The following TTN variants were observed in gnomAD, a reference collection of about 807,000 sequenced individuals.
TTN encodes the protein connectin.
TTN carries 1,525 observed loss-of-function variants against 3,223.0 expected under a neutral mutation model. The ratio of observed to expected loss-of-function variants is 0.47; its 90% confidence interval spans 0.45 to 0.49. The LOEUF (loss-of-function observed/expected upper bound fraction) is 0.49. TTN is among the 20% of genes least tolerant of loss of function. The pLI, the probability that TTN is intolerant of heterozygous loss-of-function variation, is 0.00. For missense variants in TTN, 40,786 were observed against 43,424.0 expected (o/e 0.94, Z 5.40); for synonymous variants, 14,094 against 15,161.0 (o/e 0.93, Z 5.17).
Position 178,564,161 on chromosome 2 carries a change from T to C in TTN, c.81971A>G (p.Glu27324Gly). 1 of 1,613,786 alleles carries C rather than the reference T, an allele frequency of 6.2e-7. No homozygotes were observed. Among genetic ancestry groups the C allele is most frequent in the Non-Finnish European group, 8.5e-7 (1 of 1,179,764 alleles). The change falls in exon 326 of 363, where the codon GAA (glutamate) becomes GGA (glycine). Residue 27324 changes from glutamate (E) to glycine (G), a missense_variant. Physicochemically the swap from Glu to Gly is moderately conservative, Grantham distance 98. Transcript: ENST00000589042. Reference sequence around the variant, plus strand: ...TGTTTTCTGAATAGTAGATTTAATTTCCATTCTAGCAGCTGTTTCTTCAAG... The same window carrying C: ...TGTTTTCTGAATAGTAGATTTAATTCCCATTCTAGCAGCTGTTTCTTCAAG... ...KELEETAARM[E>G]IKSTIQKTTL... is the part of the protein sequence containing the mutation.
At chr2:178,749,276 G>A in intron 47 of TTN, 1 of 1,611,306 alleles carries the variant, frequency 6.2e-7, no homozygotes, top group Non-Finnish European at 8.5e-7. Flanking sequence ...AGTACCCTCT[G>A]CTTGGTGCAG....
chr2:178,558,182 C>A lies in TTN; in HGVS notation c.87172G>T (p.Ala29058Ser). 6.2e-7 allele frequency: 1 copy of A among 1,613,666 alleles called. No homozygotes were observed. Among genetic ancestry groups the A allele is most frequent in the Non-Finnish European group, 8.5e-7 (1 of 1,179,822 alleles). Residue 29058 changes from alanine (A) to serine (S), a missense_variant, in exon 328 of 363, where the codon GCT becomes TCT. Transcript: ENST00000589042. ...ATGTCAACTTTAAGGTTTGAACCAG[C>A]TCTAACATATACAGTGTGACTTGGG... ...NFPSHTVYVR[A>S]GSNLKVDIPI...
chr2:178,570,683 T>G lies in TTN; in HGVS notation c.75449A>C (p.Gln25150Pro). The G allele has an allele frequency of 6.2e-7, 1 of 1,613,582 alleles. No individual in the cohort carries two copies. The highest frequency in any genetic ancestry group is 1.1e-5 in the South Asian group (1 of 91,082). Residue 25150 changes from glutamine to proline, a missense_variant, in exon 326 of 363, where the codon CAG becomes CCG. Physicochemically the swap from Gln to Pro is moderately conservative, Grantham distance 76. Transcript: ENST00000589042. ...TAATCGAGCTGTGTTTGAAAGCTCC[T>G]GATCACCTTTTATCCACTGAATGGT... The part of the protein sequence containing the change: ...IPTIQWIKGD[Q>P]ELSNTARLEI...
chr2:178,587,974 C>A lies in TTN; in HGVS notation c.63433G>T (p.Val21145Leu). ...LDENQEYEFRVCAQNQVGIGR... is the reference protein window; with the variant it reads ...LDENQEYEFRLCAQNQVGIGR... ...ATACCAACTTGGTTTTGGGCACACA[C>A]CCTGAACTCATATTCCTGGTTTTCA... The change falls in exon 305 of 363, where the codon GTG becomes TTG. Residue 21145 changes from valine to leucine, a missense_variant. Val to Leu is a conservative substitution (Grantham distance 32). Transcript: ENST00000589042. 6.2e-7 allele frequency: 1 copy of A among 1,611,894 alleles called. No homozygotes were observed. The highest frequency in any genetic ancestry group is 8.5e-7 in the Non-Finnish European group (1 of 1,178,964).
chr2:178,773,022 C>G (rs939759651), intron 33 of TTN, 87 bp downstream of exon 33: 124 of 1,574,804 alleles, frequency 7.9e-5, no homozygotes, highest in Non-Finnish European at 1.0e-4. Context: ...AAGTGGGAAA[C>G]TGAAAGGAAT....
intron 164 of TTN, 109 bp downstream of exon 164, chr2:178,665,599 G>A: frequency 1.6e-6 from 2 of 1,248,062 alleles, no homozygotes; most frequent in Non-Finnish European, 2.2e-6. Flanking sequence ...ATCTTGAGGA[G>A]AGGAACCACA....
chr2:178,560,630 C>G lies in TTN; in HGVS notation c.85502G>C (p.Cys28501Ser), dbSNP rs1319621261. 6.2e-7 allele frequency: 1 copy of G among 1,613,590 alleles called. No individual in the cohort carries two copies. Among genetic ancestry groups the G allele is most frequent in the South Asian group, 1.1e-5 (1 of 91,078 alleles). The stretch of plus-strand genomic sequence containing the variant: ...GGATGTCATCTGTAACTCTCCTTCA[C>G]ATATTGTCCATGCAAGGTGGCTTGT... ...RETSHLAWTI[C>S]EGELQMTSCK... is the part of the protein sequence containing the mutation. Residue 28501 changes from cysteine to serine, a missense_variant, in exon 326 of 363, where the codon TGT (cysteine) becomes TCT (serine). Coordinates refer to ENST00000589042, the MANE Select transcript of TTN (RefSeq NM_001267550.2).
chr2:178,776,739 G>GTTTT lies in TTN; in HGVS notation c.5121_5124dup (p.Leu1709LysfsTer8). The GTTTT allele has an allele frequency of 6.2e-7, 1 of 1,614,078 alleles. No individual in the cohort carries two copies. The highest frequency in any genetic ancestry group is 1.1e-5 in the South Asian group (1 of 91,082). On this transcript the variant is annotated frameshift_variant, in exon 28 of 363. Transcript: ENST00000589042. LOFTEE classifies it high-confidence loss of function. Reference sequence around the variant, plus strand: ...AAGCGCTTAAGTCTTAAGGAAGTGAGTTTTTTCTTGAAAAATGGTTTCTGT... The same window carrying GTTTT: ...AAGCGCTTAAGTCTTAAGGAAGTGAGTTTTTTTTTTCTTGAAAAATGGTTTCTGT...
rs10515939 is a variant in TTN at position 178,528,058 on chromosome 2, G to A, written c.107377+216C>T. ...TGCATCCTGCAAATAAATGTTACAC[G>A]GCAGTTGGTAGCTTTACTTTGAAAT... On this transcript the variant is annotated intron_variant, in intron 361 of 362. Coordinates refer to ENST00000589042, the MANE Select transcript of TTN (RefSeq NM_001267550.2). The A allele has an allele frequency of 0.037, 21,286 of 569,838 alleles. 870 individuals are homozygous for A. The highest frequency in any genetic ancestry group is 0.18 in the East Asian group (5,951 of 33,912). The allele number at this position is 569,838 out of a possible 1,614,324, so 35.3% of individuals were successfully genotyped here.
intron 9 of TTN, among the ~76,000 whole-genome samples, chr2:178,792,677 A>G (rs1462807331): frequency 3.3e-5 from 5 of 152,222 alleles, no homozygotes; most frequent in Non-Finnish European, 7.3e-5. Flanking sequence ...TACTGTGAAG[A>G]ATGCTGTTTC....
In TTN at chr2:178,635,673, T is replaced by C. The variant is rs1432673437; in HGVS notation, c.41651A>G (p.His13884Arg). The C allele has an allele frequency of 6.2e-6, 10 of 1,602,072 alleles. No individual in the cohort carries two copies. Among genetic ancestry groups the C allele is most frequent in the South Asian group, 1.1e-5 (1 of 89,110 alleles). Reference sequence around the variant, plus strand: ...AATAGCTGTCCCCTTGGGTTTCACATGCTGGTCTCGTATAGGTTTCACCAG... The same window carrying C: ...AATAGCTGTCCCCTTGGGTTTCACACGCTGGTCTCGTATAGGTTTCACCAG... ...DWLVKPIRDQ[H>R]VKPKGTAIFA... Residue 13884 changes from histidine to arginine, a missense_variant, in exon 227 of 363, where the codon CAT becomes CGT. Coordinates refer to ENST00000589042, the MANE Select transcript of TTN (RefSeq NM_001267550.2).
In TTN at chr2:178,620,531, T is replaced by TA. The variant is rs1553715911; in HGVS notation, c.45989dup (p.Thr15331AsnfsTer9). The TA allele has an allele frequency of 6.2e-7, 1 of 1,612,312 alleles. No homozygotes were observed. The highest frequency in any genetic ancestry group is 8.5e-7 in the Non-Finnish European group (1 of 1,178,966). On this transcript the variant is annotated frameshift_variant, in exon 248 of 363. Coordinates refer to ENST00000589042, the MANE Select transcript of TTN (RefSeq NM_001267550.2). LOFTEE classifies it high-confidence loss of function. ...CACCATTTTTGGTCCACTTCAGTGT[T>TA]ACATTGAGACGATTCACCTTGCACC...
chr2:178,672,574 A>T (rs2154265341), intron 153 of TTN, 61 bp downstream of exon 153: 1 of 1,604,570 alleles, frequency 6.2e-7, no homozygotes, highest in Non-Finnish European at 8.5e-7. Flanking sequence ...GAGACATGAA[A>T]CATAAAAGTC....
In TTN at chr2:178,557,001, C is replaced by T; in HGVS notation, c.88153G>A (p.Ala29385Thr). 6.2e-7 allele frequency: 1 copy of T among 1,613,772 alleles called. No individual in the cohort carries two copies. The highest frequency in any genetic ancestry group is 8.5e-7 in the Non-Finnish European group (1 of 1,179,820). Residue 29385 changes from alanine (A) to threonine (T), a missense_variant, in exon 330 of 363, where the codon GCC becomes ACC. Physicochemically the swap from Ala to Thr is moderately conservative, Grantham distance 58. Coordinates refer to ENST00000589042, the MANE Select transcript of TTN (RefSeq NM_001267550.2). ...GTTTCAGTAACATTGGTGAAGCTGG[C>T]CTTGGTCCATCTGCCATCTGGAAGG... is the stretch of plus-strand genomic sequence containing the variant. ...RDLPDGRWTK[A>T]SFTNVTETQF...
Position 178,617,901 on chromosome 2 carries a change from G to C in TTN, c.47450C>G (p.Ser15817Cys). ...TAMTVRAEDL[S>C]ATVTDVVEGQ... is the part of the protein sequence containing the mutation. ...TTCTACCACATCAGTAACAGTTGCA[G>C]ACAGGTCTTCAGCTCTCACAGTCAT... Residue 15817 changes from serine to cysteine, a missense_variant, in exon 253 of 363, where the codon TCT becomes TGT. Ser to Cys is a moderately radical substitution (Grantham distance 112, BLOSUM62 -1). Coordinates refer to ENST00000589042, the MANE Select transcript of TTN (RefSeq NM_001267550.2). 6.2e-7 allele frequency: 1 copy of C among 1,612,694 alleles called. No homozygotes were observed.
At position 178,618,956 on chromosome 2, in the gene TTN, GAAGT is replaced by G. The variant is rs539787908; in HGVS notation, c.46697-107_46697-104del. 530 of 1,443,652 alleles carry G rather than the reference GAAGT, an allele frequency of 3.7e-4. 6 individuals are homozygous for G. The South Asian group carries it at 6.1e-3, about 17-fold the overall frequency. 89.4% of individuals were successfully genotyped at this position (1,443,652 alleles called of 1,614,324 possible). On this transcript the variant is annotated intron_variant, in intron 250 of 362. Transcript: ENST00000589042. ...AGAAAATATTGGTTACATAACCTTG[GAAGT>G]AAGCTACAGTAACTTTATAGCAGAG... is the stretch of plus-strand genomic sequence containing the variant.
At chr2:178,772,467 T>C (rs1326553879) in intron 33 of TTN, among the ~76,000 whole-genome samples, 4 of 152,192 alleles carry the variant, frequency 2.6e-5, no homozygotes, top group Non-Finnish European at 5.9e-5. Flanking sequence ...TTGATTTACA[T>C]TTTTTATTCT....
chr2:178,616,579 G>A lies in TTN; in HGVS notation c.48212C>T (p.Ser16071Leu), dbSNP rs794727332. 32 of 1,612,268 alleles carry A rather than the reference G, an allele frequency of 2.0e-5. No homozygotes were observed. Among genetic ancestry groups the A allele is most frequent in the Non-Finnish European group, 2.5e-5 (30 of 1,178,974 alleles). Reference protein sequence around the residue: ...ELKFGDITKDSVHLTWEPPDD... With the variant: ...ELKFGDITKDLVHLTWEPPDD... Reference sequence around the variant, plus strand: ...AGGTGGTTCCCAAGTCAAATGTACTGAGTCCTTGGTTATATCACCAAATTT... The same window carrying A: ...AGGTGGTTCCCAAGTCAAATGTACTAAGTCCTTGGTTATATCACCAAATTT... Residue 16071 changes from serine (S) to leucine (L), a missense_variant, in exon 257 of 363, where the codon TCA becomes TTA. Physicochemically the swap from Ser to Leu is moderately radical, Grantham distance 145. Coordinates refer to ENST00000589042, the MANE Select transcript of TTN (RefSeq NM_001267550.2).
chr2:178,726,884 A>G (rs1578097842), intron 69 of TTN: 1 of 426,328 alleles, frequency 2.3e-6, no homozygotes. Flanking sequence ...ATGACACTGG[A>G]ATAACAAAAA....
Sources: allele counts gnomAD v4.1 joint callset (sites outside exome capture counted in the v4.1 genomes callset), GRCh38; gene constraint gnomAD v4.1.1; transcripts MANE v1.5; gene names NCBI Gene and HGNC (gene_info 2026-07-23, HGNC 2026-07-21).